Variants in KIRREL3 observed in about 807,000 individuals in gnomAD.
KIRREL3 encodes kin of IRRE-like protein 3.
Under a neutral mutation model 89.7 loss-of-function variants are expected in KIRREL3, and 36 were observed. The observed-to-expected ratio is 0.40, with a 90% CI of 0.31 to 0.53. KIRREL3 has a LOEUF of 0.53. Among genes scored for constraint, KIRREL3 ranks in the 20% least tolerant of loss-of-function variants. The pLI, the probability that KIRREL3 is intolerant of heterozygous loss-of-function variation, is 0.49. For missense variants in KIRREL3, 864 were observed against 1,056.6 expected (o/e 0.82, Z 2.53); for synonymous variants, 445 against 441.4 (o/e 1.01, Z -0.10).
At chr11:126,854,127 TG>T (rs1944432667) in intron 1 of KIRREL3, among the ~76,000 whole-genome samples, 1 of 22,068 alleles carries the variant, frequency 4.5e-5, no homozygotes, top group African/African-American at 2.0e-4. Flanking sequence ...ATAAGTTTCT[TG>T]TGTGTGTGTG....
At chr11:126,923,304 C>CTCCTTCT (rs1947538426) in intron 1 of KIRREL3, among the ~76,000 whole-genome samples, 1 of 113,558 alleles carries the variant, frequency 8.8e-6, no homozygotes, top group African/African-American at 3.4e-5. Flanking sequence ...CTTCTTCCTT[C>CTCCTTCT]TCCTTCTCCT....
At chr11:126,480,819 C>T (rs1046866311) in intron 4 of KIRREL3, among the ~76,000 whole-genome samples, 1 of 152,230 alleles carries the variant, frequency 6.6e-6, no homozygotes, top group Non-Finnish European at 1.5e-5. Flanking sequence ...TGTTTGTAGT[C>T]CGCCCAGCTC....
chr11:126,764,257 C>T lies in KIRREL3; in HGVS notation c.56-201345G>A, dbSNP rs1388295451. On this transcript the variant is annotated intron_variant, in intron 1 of 16. Coordinates refer to ENST00000525144, the MANE Select transcript of KIRREL3 (RefSeq NM_032531.4). This position sits in a 1 kb window ranked among gnomAD's most constrained non-coding sequence, Gnocchi z 4.2. ...GTCGCTCTGGTCAATGGGCCCACGG[C>T]AGCACCCACTGTCTTGGCAAATGTC... Among the ~76,000 whole-genome samples the T allele has an allele frequency of 6.6e-6, 1 of 152,154 alleles. No individual in the cohort carries two copies. Among genetic ancestry groups the T allele is most frequent in the Non-Finnish European group, 1.5e-5 (1 of 68,036 alleles).
intron 1 of KIRREL3, among the ~76,000 whole-genome samples, chr11:126,688,295 A>C (rs1219573074): frequency 6.6e-6 from 1 of 152,248 alleles, no homozygotes; most frequent in Non-Finnish European, 1.5e-5. Context: ...CATGCTGTAC[A>C]TAAGCGATAT....
intron 1 of KIRREL3, among the ~76,000 whole-genome samples, chr11:126,591,060 T>C (rs1195282915): frequency 6.6e-6 from 1 of 152,162 alleles, no homozygotes; most frequent in Non-Finnish European, 1.5e-5. Flanking sequence ...ATTACGTCTC[T>C]ACTAAAAATA....
In KIRREL3 at chr11:126,906,210, C is replaced by T. The variant is rs544302943; in HGVS notation, c.55+94245G>A. Among the ~76,000 whole-genome samples the T allele has an allele frequency of 1.1e-4, 16 of 152,300 alleles. No homozygotes were observed. The highest frequency in any genetic ancestry group is 3.6e-4 in the African/African-American group (15 of 41,580). Reference sequence around the variant, plus strand: ...TCCCTGGAAGACTTTCTGACAGCTCCCTTTCTGCGGGCTGACTGCTCAAGA... The same window carrying T: ...TCCCTGGAAGACTTTCTGACAGCTCTCTTTCTGCGGGCTGACTGCTCAAGA... On this transcript the variant is annotated intron_variant, in intron 1 of 16. Transcript: ENST00000525144. The surrounding 1 kb of genome is among the most constrained non-coding windows in gnomAD (Gnocchi z 4.1).
At position 126,993,080 on chromosome 11, in the gene KIRREL3, A is replaced by G. The variant is rs543684692; in HGVS notation, c.55+7375T>C. ...AAGAACGATTAAAAAGTATATTTCC[A>G]TTCAATTTTACATTTTTAGCCCCAT... On this transcript the variant is annotated intron_variant, in intron 1 of 16. Transcript: ENST00000525144. The surrounding 1 kb of genome is among the most constrained non-coding windows in gnomAD (Gnocchi z 6.1). 3.6e-4 allele frequency among the ~76,000 whole-genome samples: 55 copies of G among 151,792 alleles called. No individual in the cohort carries two copies. Among genetic ancestry groups the G allele is most frequent in the African/African-American group, 1.3e-3 (53 of 41,538 alleles).
At position 126,927,251 on chromosome 11, in the gene KIRREL3, C is replaced by T. The variant is rs572030424; in HGVS notation, c.55+73204G>A. On this transcript the variant is annotated intron_variant, in intron 1 of 16. Transcript: ENST00000525144. Reference sequence around the variant, plus strand: ...AAGCACACACACACACACGCACGCACGCACATGCATACATGCACACACATA... The same window carrying T: ...AAGCACACACACACACACGCACGCATGCACATGCATACATGCACACACATA... 7.9e-5 allele frequency among the ~76,000 whole-genome samples: 12 copies of T among 152,298 alleles called. No homozygotes were observed. In the South Asian group the frequency reaches 1.0e-3, roughly 13 times the overall value.
chr11:126,479,141 C>T lies in KIRREL3; in HGVS notation c.434-5675G>A, dbSNP rs188493871. Among the ~76,000 whole-genome samples, 8 of 152,260 alleles carry T rather than the reference C, an allele frequency of 5.3e-5. No individual in the cohort carries two copies. In the East Asian group the frequency reaches 9.7e-4, roughly 18 times the overall value. Reference sequence around the variant, plus strand: ...TGTGGGTTCTTTGATTTTGTTCTGCCGCAGACCCAGGGGCTCTGGGAGAGT... The same window carrying T: ...TGTGGGTTCTTTGATTTTGTTCTGCTGCAGACCCAGGGGCTCTGGGAGAGT... On this transcript the variant is annotated intron_variant, in intron 4 of 16. Coordinates refer to ENST00000525144, the MANE Select transcript of KIRREL3 (RefSeq NM_032531.4).
intron 4 of KIRREL3, among the ~76,000 whole-genome samples, chr11:126,497,682 C>CTTGA (rs1957717508): frequency 6.6e-6 from 1 of 152,240 alleles, no homozygotes; most frequent in African/African-American, 2.4e-5. Context: ...TGGTAAGCTG[C>CTTGA]TTGAACTGAG....
intron 1 of KIRREL3, among the ~76,000 whole-genome samples, chr11:126,849,604 G>A (rs779451756): frequency 2.6e-5 from 4 of 152,126 alleles, no homozygotes; most frequent in African/African-American, 4.8e-5. Context: ...CCTGCTGACC[G>A]GAAATCAGCT....
At chr11:126,633,678 G>A (rs118036496) in intron 1 of KIRREL3, among the ~76,000 whole-genome samples, 1 of 152,234 alleles carries the variant, frequency 6.6e-6, no homozygotes, top group Non-Finnish European at 1.5e-5. Flanking sequence ...ACATAACCAT[G>A]AGCCAATTAG....
chr11:126,451,393 C>A (rs1232895692), intron 7 of KIRREL3, among the ~76,000 whole-genome samples: 2 of 61,644 alleles, frequency 3.2e-5, no homozygotes, highest in Admixed American at 1.8e-4. Context: ...CATGTGTGAA[C>A]GTGTGCATGT....
chr11:126,511,834 T>C (rs1478553617), intron 4 of KIRREL3, among the ~76,000 whole-genome samples: 1 of 152,224 alleles, frequency 6.6e-6, no homozygotes, highest in East Asian at 1.9e-4. Context: ...CATAATTTGC[T>C]GTGAAACCCT....
chr11:126,869,011 C>T (rs1022880355), intron 1 of KIRREL3, among the ~76,000 whole-genome samples: 2 of 152,112 alleles, frequency 1.3e-5, no homozygotes, highest in African/African-American at 4.8e-5. Context: ...TTCCCAAAGC[C>T]CCAAGTCCTA....
intron 1 of KIRREL3, among the ~76,000 whole-genome samples, chr11:126,678,677 C>CTCTA (rs1946313544): frequency 1.3e-5 from 2 of 149,832 alleles, no homozygotes; most frequent in Non-Finnish European, 3.0e-5. Flanking sequence ...AGTCAGATCC[C>CTCTA]TTGCTGGTAA....
At position 127,000,537 on chromosome 11, in the gene KIRREL3, G is replaced by C; in HGVS notation, c.-28C>G. 1 of 1,589,150 alleles carries C rather than the reference G, an allele frequency of 6.3e-7. No individual in the cohort carries two copies. Among genetic ancestry groups the C allele is most frequent in the South Asian group, 1.2e-5 (1 of 86,800 alleles). The stretch of plus-strand genomic sequence containing the variant: ...CTTAGCGCAGCGAAGGAAAGCCGGC[G>C]GGGTAACTTGGCTGTGGTTAGTTTC... On this transcript the variant is annotated 5_prime_UTR_variant, in exon 1 of 17. Transcript: ENST00000525144. The surrounding 1 kb of genome is among the most constrained non-coding windows in gnomAD (Gnocchi z 7.1).
At chr11:126,926,771 A>C (rs1293285816) in intron 1 of KIRREL3, among the ~76,000 whole-genome samples, 1 of 152,168 alleles carries the variant, frequency 6.6e-6, no homozygotes, top group Non-Finnish European at 1.5e-5. Context: ...TGGCTTCTGA[A>C]TACTAAAGAG....
rs1318635594 is a variant in KIRREL3, at chr11:126,569,950, C to G, written c.56-7038G>C. Among the ~76,000 whole-genome samples, 1 of 152,104 alleles carries G rather than the reference C, an allele frequency of 6.6e-6. No individual in the cohort carries two copies. The highest frequency in any genetic ancestry group is 2.4e-5 in the African/African-American group (1 of 41,408). On this transcript the variant is annotated intron_variant, in intron 1 of 16. Coordinates refer to ENST00000525144, the MANE Select transcript of KIRREL3 (RefSeq NM_032531.4). This position sits in a 1 kb window ranked among gnomAD's most constrained non-coding sequence, Gnocchi z 6.5. ...TGCTAAACTGCTTTCTGCATCGGTT[C>G]TGCCTACTCCTATTTTCAGCATAAT...
Sources: allele counts gnomAD v4.1 joint callset (sites outside exome capture counted in the v4.1 genomes callset), GRCh38; gene constraint gnomAD v4.1.1; non-coding constraint Gnocchi (gnomAD v3.1); transcripts MANE v1.5; gene names NCBI Gene and HGNC (gene_info 2026-07-23, HGNC 2026-07-21).